SPATA22: variants seen among roughly 807,000 people sequenced by gnomAD.
The protein encoded by SPATA22 is spermatogenesis-associated protein 22.
In SPATA22, 29 loss-of-function variants were observed where a neutral mutation model predicts 47.8. The observed-to-expected ratio is 0.61, with a 90% CI of 0.45 to 0.83. The LOEUF is 0.83. Among genes scored for constraint, SPATA22 ranks in the 40% least tolerant of loss-of-function variants. The probability of loss-of-function intolerance (pLI) is 0.00; values close to 1 mark genes in which losing one functional copy is unlikely to be tolerated. For synonymous variants in SPATA22, 133 were observed against 140.9 expected (o/e 0.94, Z 0.40); for missense variants, 410 against 421.7 (o/e 0.97, Z 0.24).
intron 8 of SPATA22, chr17:3,441,674 C>T (rs984950866): frequency 6.6e-6 from 1 of 151,988 alleles, no homozygotes; most frequent in South Asian, 2.1e-4. Context: ...AACAGAAATA[C>T]ATGCAAATGC....
chr17:3,446,571 C>T lies in SPATA22; in HGVS notation c.703G>A (p.Glu235Lys). 2 of 1,590,828 alleles carry T rather than the reference C, an allele frequency of 1.3e-6. No homozygotes were observed. The highest frequency in any genetic ancestry group is 1.7e-6 in the Non-Finnish European group (2 of 1,163,436). ...ETSLYQLQFK[E>K]KASSLRIISA... ...ATAATTCTTAAAGAACTAGCTTTTT[C>T]CTTAAACTGTAACTGATACAATGAG... is the stretch of plus-strand genomic sequence containing the variant. The change falls in exon 7 of 9, where the codon GAA (glutamate) becomes AAA (lysine). Residue 235 changes from glutamate to lysine, a missense_variant. Transcript: ENST00000572969.
intron 2 of SPATA22, 118 bp from the exon 3 acceptor site, chr17:3,467,672 T>G: frequency 1.5e-6 from 1 of 686,356 alleles, no homozygotes; most frequent in Non-Finnish European, 2.1e-6. Flanking sequence ...GCTAATATAC[T>G]TATAGATTTC....
At chr17:3,483,284 T>C (rs938225774) in intron 1 of SPATA22, among the ~76,000 whole-genome samples, 1 of 152,234 alleles carries the variant, frequency 6.6e-6, no homozygotes, top group African/African-American at 2.4e-5. Context: ...GGAAAGACAC[T>C]GTATAATTCA....
At chr17:3,497,879 T>C (rs1333966712) in intron 1 of SPATA22, among the ~76,000 whole-genome samples, 1 of 152,146 alleles carries the variant, frequency 6.6e-6, no homozygotes, top group Non-Finnish European at 1.5e-5. Flanking sequence ...ATCTTCATCT[T>C]AACAAAATCC....
At chr17:3,451,299 C>T (rs2072854289) in intron 5 of SPATA22, among the ~76,000 whole-genome samples, 2 of 151,648 alleles carry the variant, frequency 1.3e-5, no homozygotes, top group African/African-American at 4.8e-5. Flanking sequence ...ATCAGAGCAC[C>T]TAAATATATA....
chr17:3,463,443 T>A (rs2073176263), intron 3 of SPATA22, among the ~76,000 whole-genome samples: 1 of 152,134 alleles, frequency 6.6e-6, no homozygotes, highest in Non-Finnish European at 1.5e-5. Flanking sequence ...TATTTGTGTA[T>A]CTAAACATAT....
At chr17:3,445,794 C>T (rs549781794) in intron 7 of SPATA22, among the ~76,000 whole-genome samples, 40 of 152,052 alleles carry the variant, frequency 2.6e-4, no homozygotes, top group African/African-American at 9.4e-4. Flanking sequence ...TATATATACA[C>T]ACATTTATAT....
At chr17:3,507,002 G>A (rs1302390144) in intron 1 of SPATA22, among the ~76,000 whole-genome samples, 3 of 150,794 alleles carry the variant, frequency 2.0e-5, no homozygotes, top group African/African-American at 7.3e-5. Context: ...AAGGGAGGGA[G>A]GAAGGGAGGG....
At chr17:3,497,858 A>G (rs1163720463) in intron 1 of SPATA22, among the ~76,000 whole-genome samples, 1 of 152,120 alleles carries the variant, frequency 6.6e-6, no homozygotes, top group Non-Finnish European at 1.5e-5. Flanking sequence ...CCCCCAACCT[A>G]TAGAATCAGA....
chr17:3,513,788 G>A, exon 1 of SPATA22: 5 of 736,798 alleles, frequency 6.8e-6, no homozygotes, highest in Middle Eastern at 6.5e-4. Flanking sequence ...CACTGAGCAC[G>A]AGGGTGCACT....
chr17:3,441,453 A>G (rs1328317090), intron 8 of SPATA22: 2 of 152,150 alleles, frequency 1.3e-5, no homozygotes, highest in Non-Finnish European at 2.9e-5. Context: ...AAGAAATGAG[A>G]TAACACTAAA....
At chr17:3,446,666 C>G in intron 6 of SPATA22, 65 bp from the exon 7 acceptor site, 1 of 1,273,512 alleles carries the variant, frequency 7.9e-7, no homozygotes, top group Non-Finnish European at 1.1e-6. Flanking sequence ...ACTCGTTTAC[C>G]TTCTACGTAA....
intron 1 of SPATA22, chr17:3,489,250 C>G (rs1335267315): frequency 1.9e-6 from 3 of 1,611,876 alleles, no homozygotes; most frequent in East Asian, 2.2e-5. Flanking sequence ...GAAGTTGGTC[C>G]TCAGCCTCAA....
intron 1 of SPATA22, among the ~76,000 whole-genome samples, chr17:3,497,995 G>A (rs539133515): frequency 9.2e-5 from 14 of 152,086 alleles, no homozygotes; most frequent in Non-Finnish European, 1.6e-4. Flanking sequence ...TCCCTGGTGC[G>A]GGACCCTTCA....
intron 3 of SPATA22, among the ~76,000 whole-genome samples, chr17:3,466,701 T>C (rs1193894763): frequency 6.6e-6 from 1 of 152,234 alleles, no homozygotes; most frequent in South Asian, 2.1e-4. Flanking sequence ...ATATGATAAA[T>C]GTATTTCTCA....
rs760047882 is a variant in SPATA22, at chr17:3,462,483, C to A, written c.329G>T (p.Ser110Ile). The A allele has an allele frequency of 3.8e-6, 6 of 1,594,168 alleles. No individual in the cohort carries two copies. Among genetic ancestry groups the A allele is most frequent in the South Asian group, 1.2e-5 (1 of 86,790 alleles). ...AGAAAGAAATTTTAAGTAGACTCAC[C>A]TCCAACCACCCTGGCTTCTTCCAGT... ...SNTGRSQGGW[S>I]YRDGNKNTSL... The change falls in exon 5 of 9, where the codon AGC becomes ATC. Residue 110 changes from serine to isoleucine, a missense_variant and splice_region_variant. Coordinates refer to ENST00000572969, the MANE Select transcript of SPATA22 (RefSeq NM_001170698.2).
rs757708223 is a variant in SPATA22, at chr17:3,488,611, CACACCACTG to C, written c.-73-19222_-73-19214del. ...GGCAGAGGTTGCAGTGAGCAGAAAT[CACACCACTG>C]TACTCCAGCCTGGGTGACAGAGTGA... On this transcript the variant is annotated intron_variant, in intron 1 of 8. Coordinates refer to the SPATA22 transcript ENST00000541913. This position sits in a 1 kb window ranked among gnomAD's most constrained non-coding sequence, Gnocchi z 6.1. 3.9e-4 allele frequency among the ~76,000 whole-genome samples: 59 copies of C among 152,272 alleles called. No individual in the cohort carries two copies. Among genetic ancestry groups the C allele is most frequent in the South Asian group, 3.5e-3 (17 of 4,824 alleles).
rs766720790 is a variant in SPATA22 at position 3,499,015 on chromosome 17, AAAAG to A, written c.-74+14393_-74+14396del. ...TTTGTGAATGAGGCCGCATATTACG[AAAAG>A]AAAGAAGCTTTTGCAAAGACAACTA... On this transcript the variant is annotated intron_variant, in intron 1 of 8. Transcript: ENST00000541913. The A allele has an allele frequency of 3.2e-5, 52 of 1,614,236 alleles. No individual in the cohort carries two copies. The highest frequency in any genetic ancestry group is 4.0e-5 in the Non-Finnish European group (47 of 1,180,038).
At chr17:3,462,455 A>G (rs762718904) in intron 5 of SPATA22, 28 bp downstream of exon 5, 2 of 1,476,202 alleles carry the variant, frequency 1.4e-6, no homozygotes, top group South Asian at 2.5e-5. Flanking sequence ...AAGGAATAGA[A>G]GAAGAAAGAA....
Sources: allele counts gnomAD v4.1 joint callset (sites outside exome capture counted in the v4.1 genomes callset), GRCh38; gene constraint gnomAD v4.1.1; non-coding constraint Gnocchi (gnomAD v3.1); transcripts MANE v1.5; gene names NCBI Gene and HGNC (gene_info 2026-07-23, HGNC 2026-07-21).